The following EDIL3 variants were observed in gnomAD, a reference collection of about 807,000 sequenced individuals.
EDIL3 encodes EGF like and discoidin domains 3.
A neutral mutation model predicts 67.4 loss-of-function variants in EDIL3; 37 were observed. That is an observed-to-expected ratio of 0.55 (90% CI 0.42 to 0.72). The LOEUF is 0.72. Among genes scored for constraint, EDIL3 ranks in the 30% least tolerant of loss-of-function variants. The pLI is 0.00. For missense variants in EDIL3, 527 were observed against 586.3 expected, an observed-to-expected ratio of 0.90 and a Z score of 1.04; for synonymous variants, 195 against 196.3, an observed-to-expected ratio of 0.99 and a Z score of 0.05.
intron 2 of EDIL3, among the ~76,000 whole-genome samples, chr5:84,241,692 A>C (rs1007772018): frequency 6.6e-6 from 1 of 151,482 alleles, no homozygotes; most frequent in Non-Finnish European, 1.5e-5. Context: ...ACAGGAAAAA[A>C]AAAAAACAAC....
chr5:83,961,819 T>C (rs953628334), intron 10 of EDIL3, among the ~76,000 whole-genome samples: 2 of 151,376 alleles, frequency 1.3e-5, no homozygotes, highest in Admixed American at 6.6e-5. Flanking sequence ...TTTTACAAAA[T>C]ATCTAATATT....
At chr5:84,149,825 T>C (rs547357642) in intron 4 of EDIL3, among the ~76,000 whole-genome samples, 2 of 151,950 alleles carry the variant, frequency 1.3e-5, no homozygotes, top group East Asian at 3.9e-4. Flanking sequence ...ATGAAAAATA[T>C]GCCAGAAAGG....
intron 6 of EDIL3, among the ~76,000 whole-genome samples, chr5:84,103,998 A>G (rs1405182623): frequency 1.3e-5 from 2 of 152,176 alleles, no homozygotes; most frequent in African/African-American, 2.4e-5. Context: ...CTGGGTAAAG[A>G]AAATCTGATA....
Position 84,380,569 on chromosome 5 carries a change from C to A in EDIL3, c.67+3739G>T, listed in dbSNP as rs140589695. Among the ~76,000 whole-genome samples the A allele has an allele frequency of 2.6e-5, 4 of 152,172 alleles. No homozygotes were observed. In the East Asian group the frequency reaches 7.7e-4, roughly 29 times the overall value. On this transcript the variant is annotated intron_variant, in intron 1 of 10. Coordinates refer to ENST00000296591, the MANE Select transcript of EDIL3 (RefSeq NM_005711.5). ...ATCCTAATCTTACTCAAAGCTATTG[C>A]ACCTGCAAGTGTGTGCAGTAAACAA... is the stretch of plus-strand genomic sequence containing the variant.
chr5:84,266,665 T>C lies in EDIL3; in HGVS notation c.68-12453A>G, dbSNP rs1331828941. 6.4e-4 allele frequency among the ~76,000 whole-genome samples: 97 copies of C among 152,180 alleles called. 1 individual carries two copies. Among genetic ancestry groups the C allele is most frequent in the Non-Finnish European group, 1.0e-4 (7 of 68,038 alleles). On this transcript the variant is annotated intron_variant, in intron 1 of 10. Coordinates refer to ENST00000296591, the MANE Select transcript of EDIL3 (RefSeq NM_005711.5). ...AGAGTTTGGGAGGATAAAAAAGATC[T>C]TGAACCACTTGTATATAAATCCTCT...
At chr5:84,043,251 G>A (rs1006624720) in intron 9 of EDIL3, among the ~76,000 whole-genome samples, 1 of 152,202 alleles carries the variant, frequency 6.6e-6, no homozygotes. Context: ...AGTGGTCCAT[G>A]CATATGACTC....
chr5:84,034,887 A>G (rs909966366), intron 9 of EDIL3, among the ~76,000 whole-genome samples: 3 of 152,178 alleles, frequency 2.0e-5, no homozygotes, highest in African/African-American at 2.4e-5. Flanking sequence ...CATGTCACTG[A>G]TATCGAGTCT....
chr5:84,045,238 G>A (rs1173309205), intron 9 of EDIL3, among the ~76,000 whole-genome samples: 1 of 152,086 alleles, frequency 6.6e-6, no homozygotes, highest in African/African-American at 2.4e-5. Context: ...GGAATTATGG[G>A]AGCTACAATT....
intron 1 of EDIL3, among the ~76,000 whole-genome samples, chr5:84,334,673 C>T (rs1746949786): frequency 6.6e-6 from 1 of 152,162 alleles, no homozygotes; most frequent in East Asian, 1.9e-4. Flanking sequence ...AAAGTATCAT[C>T]ATCAAAAGAT....
intron 1 of EDIL3, among the ~76,000 whole-genome samples, chr5:84,375,881 C>A (rs1747956074): frequency 6.6e-6 from 1 of 152,074 alleles, no homozygotes; most frequent in Admixed American, 6.5e-5. Context: ...TACACTTTAC[C>A]AACCTAAATT....
At chr5:84,003,525 A>G (rs1272247093) in intron 9 of EDIL3, among the ~76,000 whole-genome samples, 1 of 152,216 alleles carries the variant, frequency 6.6e-6, no homozygotes, top group African/African-American at 2.4e-5. Context: ...CCTTAAAGAA[A>G]ACAAATTCTA....
intron 9 of EDIL3, among the ~76,000 whole-genome samples, chr5:83,971,124 T>C (rs1744784266): frequency 6.6e-6 from 1 of 151,802 alleles, no homozygotes; most frequent in African/African-American, 2.4e-5. Context: ...GATTTATTTT[T>C]GGTAATGCAA....
chr5:83,992,865 T>TAA (rs1745174669), intron 9 of EDIL3, among the ~76,000 whole-genome samples: 1 of 151,792 alleles, frequency 6.6e-6, no homozygotes, highest in Non-Finnish European at 1.5e-5. Flanking sequence ...TTTAAAAATA[T>TAA]TAAAAATATT....
At chr5:83,961,932 A>G (rs961708257) in intron 10 of EDIL3, among the ~76,000 whole-genome samples, 9 of 151,396 alleles carry the variant, frequency 5.9e-5, no homozygotes, top group South Asian at 2.1e-4. Flanking sequence ...AGATACACCA[A>G]TTTCTAAGAT....
At chr5:84,021,603 C>T (rs1745717196) in intron 9 of EDIL3, among the ~76,000 whole-genome samples, 1 of 151,876 alleles carries the variant, frequency 6.6e-6, no homozygotes, top group South Asian at 2.1e-4. Flanking sequence ...TTTGTTGAGA[C>T]TTGTTTTGTG....
rs539740583 is a variant in EDIL3 at position 84,026,984 on chromosome 5, G to T, written c.1137+33316C>A. On this transcript the variant is annotated intron_variant, in intron 9 of 10. Transcript: ENST00000296591. ...GTGACATGCGCCTGTACTCTGAGCT[G>T]CTTGGGAGGCTGAGGTGGGAGGATC... 5.1e-4 allele frequency among the ~76,000 whole-genome samples: 78 copies of T among 152,114 alleles called. 1 individual carries two copies. Among genetic ancestry groups the T allele is most frequent in the Admixed American group, 3.4e-3 (52 of 15,264 alleles).
At chr5:84,111,469 C>T (rs893364492) in intron 5 of EDIL3, among the ~76,000 whole-genome samples, 2 of 152,106 alleles carry the variant, frequency 1.3e-5, no homozygotes, top group Non-Finnish European at 2.9e-5. Context: ...TCACTCCATC[C>T]GTTCATTTAA....
chr5:84,227,304 T>A (rs1239348358), intron 3 of EDIL3, among the ~76,000 whole-genome samples: 1 of 151,838 alleles, frequency 6.6e-6, no homozygotes, highest in Non-Finnish European at 1.5e-5. Flanking sequence ...AAAGAAGATA[T>A]ACAAGAAGCC....
chr5:84,079,297 T>C (rs1746921077), intron 6 of EDIL3, among the ~76,000 whole-genome samples: 1 of 152,064 alleles, frequency 6.6e-6, no homozygotes, highest in Admixed American at 6.6e-5. Context: ...AGCAAATTAT[T>C]TGAACCCAGT....
Sources: allele counts gnomAD v4.1 joint callset (sites outside exome capture counted in the v4.1 genomes callset), GRCh38; gene constraint gnomAD v4.1.1; transcripts MANE v1.5; gene names NCBI Gene and HGNC (gene_info 2026-07-23, HGNC 2026-07-21).